Variants in MAGI2 observed in about 807,000 individuals in gnomAD.
The protein encoded by MAGI2 is membrane associated guanylate kinase, WW and PDZ domain containing 2.
Under a neutral mutation model 133.3 loss-of-function variants are expected in MAGI2, and 35 were observed. The observed-to-expected ratio is 0.26, with a 90% CI of 0.20 to 0.35. The LOEUF (loss-of-function observed/expected upper bound fraction) is 0.35, where lower values mean the gene tolerates loss of function less well. MAGI2 is among the 10% of genes least tolerant of loss of function. The pLI is 1.00. For missense variants in MAGI2, 1,636 were observed against 1,863.4 expected, an observed-to-expected ratio of 0.88 and a Z score of 2.25; for synonymous variants, 729 against 710.6, an observed-to-expected ratio of 1.03 and a Z score of -0.41.
intron 3 of MAGI2, among the ~76,000 whole-genome samples, chr7:78,599,857 C>T (rs1805000642): frequency 6.6e-6 from 1 of 152,198 alleles, no homozygotes; most frequent in Non-Finnish European, 1.5e-5. Context: ...CTTGTCACTC[C>T]TATCTGGGGA....
At chr7:79,124,869 C>T (rs7810534) in intron 1 of MAGI2, 178,792 of 226,422 alleles carry the variant, frequency 0.79, 71,656 homozygotes, top group Non-Finnish European at 0.85. Context: ...TGTGTGGTAA[C>T]AAGAAATCCA....
intron 7 of MAGI2, among the ~76,000 whole-genome samples, chr7:78,352,364 T>G (rs1791608505): frequency 6.6e-6 from 1 of 152,260 alleles, no homozygotes; most frequent in Admixed American, 6.5e-5. Context: ...AATACGTTAT[T>G]ATAAAATATG....
chr7:78,275,985 G>A (rs553862935), intron 9 of MAGI2, among the ~76,000 whole-genome samples: 1 of 152,228 alleles, frequency 6.6e-6, no homozygotes, highest in East Asian at 1.9e-4. Context: ...AATGACTGTT[G>A]AGGCCATGTG....
intron 1 of MAGI2, among the ~76,000 whole-genome samples, chr7:79,374,402 C>T (rs1843247436): frequency 6.6e-6 from 1 of 151,678 alleles, no homozygotes; most frequent in Admixed American, 6.6e-5. Flanking sequence ...AGTCAAGGAA[C>T]ACCTGAGACT....
At chr7:78,031,038 T>G (rs1012074163) in intron 21 of MAGI2, among the ~76,000 whole-genome samples, 1 of 152,202 alleles carries the variant, frequency 6.6e-6, no homozygotes, top group East Asian at 1.9e-4. Flanking sequence ...AGCTATGAGA[T>G]GGAACAAGCG....
intron 2 of MAGI2, among the ~76,000 whole-genome samples, chr7:78,764,271 T>C (rs1824794966): frequency 6.6e-6 from 1 of 152,014 alleles, no homozygotes; most frequent in Non-Finnish European, 1.5e-5. Flanking sequence ...TAAAACAATC[T>C]TTAAAAGCAC....
At chr7:78,772,819 A>G (rs1342872371) in intron 2 of MAGI2, among the ~76,000 whole-genome samples, 1 of 152,248 alleles carries the variant, frequency 6.6e-6, no homozygotes, top group Non-Finnish European at 1.5e-5. Context: ...CTCGAAAAGT[A>G]AGTCGGCTTA....
intron 2 of MAGI2, among the ~76,000 whole-genome samples, chr7:78,820,979 T>C (rs1438030383): frequency 2.6e-5 from 4 of 152,052 alleles, no homozygotes; most frequent in Admixed American, 1.3e-4. Flanking sequence ...AATAGAGAGA[T>C]AATGTGCCAT....
chr7:78,458,638 G>GTTT (rs201088493), intron 6 of MAGI2, among the ~76,000 whole-genome samples: 12,133 of 134,672 alleles, frequency 0.09, 684 homozygotes, highest in African/African-American at 0.16. Flanking sequence ...TTTTTTGTTA[G>GTTT]GTTTTTTTTT....
At chr7:78,742,024 G>C (rs117046130) in intron 2 of MAGI2, among the ~76,000 whole-genome samples, 1 of 151,856 alleles carries the variant, frequency 6.6e-6, no homozygotes, top group Non-Finnish European at 1.5e-5. Flanking sequence ...ATTATCAAAG[G>C]ACAGTAATCA....
At chr7:78,152,188 A>G (rs1823946135) in intron 16 of MAGI2, among the ~76,000 whole-genome samples, 1 of 152,186 alleles carries the variant, frequency 6.6e-6, no homozygotes, top group African/African-American at 2.4e-5. Context: ...TGAAGATTAA[A>G]TATGGTGTAA....
At chr7:78,363,264 T>C (rs903331902) in intron 7 of MAGI2, among the ~76,000 whole-genome samples, 7 of 152,048 alleles carry the variant, frequency 4.6e-5, no homozygotes, top group Non-Finnish European at 7.4e-5. Flanking sequence ...GAGGCCGAGG[T>C]GGGCGGATCA....
chr7:78,314,371 T>C (rs141068897), intron 9 of MAGI2, among the ~76,000 whole-genome samples: 1 of 152,138 alleles, frequency 6.6e-6, no homozygotes, highest in Non-Finnish European at 1.5e-5. Context: ...AAACAAATTA[T>C]ATTATGGGAT....
At position 79,375,824 on chromosome 7, in the gene MAGI2, T is replaced by C. The variant is rs1055733730; in HGVS notation, c.301+77196A>G. Among the ~76,000 whole-genome samples the C allele has an allele frequency of 6.6e-5, 10 of 152,050 alleles. No homozygotes were observed. The South Asian group carries it at 1.7e-3, about 25-fold the overall frequency. ...TCAAATTATAGAACATATAAGCAGA[T>C]AGGCTTGAATTATCAGTATTTAAAA... On this transcript the variant is annotated intron_variant, in intron 1 of 21. Coordinates refer to ENST00000354212, the MANE Select transcript of MAGI2 (RefSeq NM_012301.4).
At chr7:78,524,231 G>T (rs1345829291) in intron 3 of MAGI2, among the ~76,000 whole-genome samples, 2 of 152,152 alleles carry the variant, frequency 1.3e-5, no homozygotes, top group African/African-American at 4.8e-5. Context: ...GGTAGAAAGA[G>T]CCTCTCCCTG....
chr7:78,804,252 ATAG>A (rs1400471406), intron 2 of MAGI2, among the ~76,000 whole-genome samples: 1 of 152,144 alleles, frequency 6.6e-6, no homozygotes, highest in African/African-American at 2.4e-5. Context: ...TCCCTTTGGC[ATAG>A]TAGTATAAGT....
At chr7:78,915,134 T>A (rs1337594285) in intron 2 of MAGI2, among the ~76,000 whole-genome samples, 1 of 152,102 alleles carries the variant, frequency 6.6e-6, no homozygotes, top group African/African-American at 2.4e-5. Flanking sequence ...AGGTTACTAT[T>A]TGCTCCCGCT....
rs957557049 is a variant in MAGI2, at chr7:78,644,541, C to T, written c.419-17302G>A. 2.6e-5 allele frequency among the ~76,000 whole-genome samples: 4 copies of T among 152,064 alleles called. No individual in the cohort carries two copies. The East Asian group carries it at 7.7e-4, about 29-fold the overall frequency. On this transcript the variant is annotated intron_variant, in intron 2 of 21. Coordinates refer to ENST00000354212, the MANE Select transcript of MAGI2 (RefSeq NM_012301.4). ...AGCCTTAGATATTTGGAAACTAACA[C>T]ACTTTCAAATAGCTCATGTGTCAAG...
chr7:79,253,370 C>T (rs760984373), intron 1 of MAGI2, among the ~76,000 whole-genome samples: 9 of 152,086 alleles, frequency 5.9e-5, no homozygotes, highest in Admixed American at 3.9e-4. Flanking sequence ...TGGCCAGGCA[C>T]GGTGGCTCAT....
Sources: allele counts gnomAD v4.1 joint callset (sites outside exome capture counted in the v4.1 genomes callset), GRCh38; gene constraint gnomAD v4.1.1; transcripts MANE v1.5; gene names NCBI Gene and HGNC (gene_info 2026-07-23, HGNC 2026-07-21).